The following TTC39B variants were observed in gnomAD, a reference collection of about 807,000 sequenced individuals.
TTC39B encodes the protein tetratricopeptide repeat protein 39B.
Under a neutral mutation model 96.6 loss-of-function variants are expected in TTC39B, and 92 were observed. That is an observed-to-expected ratio of 0.95 (90% CI 0.80 to 1.13). The LOEUF is 1.13. Among genes scored for constraint, TTC39B ranks in the 50% most tolerant of loss-of-function variants. The pLI is 0.00. For missense variants in TTC39B, 955 were observed against 809.3 expected (o/e 1.18, Z -2.18); for synonymous variants, 367 against 299.4 (o/e 1.23, Z -2.33).
At chr9:15,262,229 G>A (rs1286354899) in intron 2 of TTC39B, among the ~76,000 whole-genome samples, 1 of 152,112 alleles carries the variant, frequency 6.6e-6, no homozygotes, top group Admixed American at 6.5e-5. Context: ...CTCCTGAGTA[G>A]CTGGAATTAC....
At chr9:15,209,924 G>C (rs770035349) in intron 6 of TTC39B, among the ~76,000 whole-genome samples, 164 bp downstream of exon 6, 6 of 152,086 alleles carry the variant, frequency 3.9e-5, no homozygotes, top group African/African-American at 9.7e-5. Flanking sequence ...CACAGAAAAG[G>C]CTTCAAAATG....
At chr9:15,212,217 C>T (rs927329657) in intron 4 of TTC39B, among the ~76,000 whole-genome samples, 108 of 152,128 alleles carry the variant, frequency 7.1e-4, no homozygotes, top group African/African-American at 2.5e-3. Context: ...TATTCTTTGC[C>T]TCCATGGAAA....
chr9:15,266,778 C>G (rs1045558149), intron 2 of TTC39B, among the ~76,000 whole-genome samples: 3 of 151,892 alleles, frequency 2.0e-5, no homozygotes, highest in African/African-American at 7.3e-5. Flanking sequence ...GGATTAACAC[C>G]CTTATAAGAA....
intron 8 of TTC39B, among the ~76,000 whole-genome samples, chr9:15,193,494 C>T (rs566393173): frequency 2.0e-5 from 3 of 152,244 alleles, no homozygotes; most frequent in Non-Finnish European, 2.9e-5. Context: ...CCAGTCTAGC[C>T]AAATATTTTT....
intron 1 of TTC39B, among the ~76,000 whole-genome samples, chr9:15,295,149 G>T (rs932192827): frequency 6.6e-6 from 1 of 152,132 alleles, no homozygotes; most frequent in African/African-American, 2.4e-5. Context: ...CACCCCAGAA[G>T]GTCAGAAGTT....
At chr9:15,233,908 G>A (rs556554666) in intron 2 of TTC39B, among the ~76,000 whole-genome samples, 2 of 151,900 alleles carry the variant, frequency 1.3e-5, no homozygotes, top group African/African-American at 4.8e-5. Flanking sequence ...TCTAGGAAGT[G>A]AGGAGCGCCT....
intron 1 of TTC39B, among the ~76,000 whole-genome samples, chr9:15,304,464 C>T (rs905516323): frequency 6.6e-6 from 1 of 152,170 alleles, no homozygotes; most frequent in South Asian, 2.1e-4. Context: ...AACTTCTATG[C>T]TCCCGAATTT....
chr9:15,254,812 G>A (rs1201577736), intron 2 of TTC39B, among the ~76,000 whole-genome samples: 2 of 146,388 alleles, frequency 1.4e-5, no homozygotes. Context: ...TGGGAGATCT[G>A]ACACACATAA....
At chr9:15,286,817 T>A (rs1231597392) in intron 1 of TTC39B, among the ~76,000 whole-genome samples, 1 of 152,226 alleles carries the variant, frequency 6.6e-6, no homozygotes, top group Non-Finnish European at 1.5e-5. Flanking sequence ...ATCATCCATA[T>A]GCACTCAAGG....
At chr9:15,301,172 G>A (rs1824574442) in intron 1 of TTC39B, among the ~76,000 whole-genome samples, 1 of 152,116 alleles carries the variant, frequency 6.6e-6, no homozygotes, top group African/African-American at 2.4e-5. Context: ...GTCTTTGCCG[G>A]ACCCTAAACA....
At chr9:15,208,276 GC>G (rs1819991910) in intron 6 of TTC39B, among the ~76,000 whole-genome samples, 1 of 151,812 alleles carries the variant, frequency 6.6e-6, no homozygotes, top group Admixed American at 6.6e-5. Flanking sequence ...ACCCGCCTCG[GC>G]CTCCCAAAGT....
At chr9:15,288,091 A>G (rs1014498031) in intron 1 of TTC39B, among the ~76,000 whole-genome samples, 1 of 152,212 alleles carries the variant, frequency 6.6e-6, no homozygotes, top group African/African-American at 2.4e-5. Flanking sequence ...CATTTGTGAA[A>G]TCAAACTACA....
intron 2 of TTC39B, among the ~76,000 whole-genome samples, chr9:15,227,503 G>T (rs1405738096): frequency 1.3e-4 from 20 of 152,118 alleles, no homozygotes; most frequent in Non-Finnish European, 1.5e-5. Flanking sequence ...TACAAGGGTG[G>T]TTAGGTGTGG....
chr9:15,248,017 C>G (rs1338774687), intron 2 of TTC39B, among the ~76,000 whole-genome samples: 3 of 152,170 alleles, frequency 2.0e-5, no homozygotes, highest in Non-Finnish European at 4.4e-5. Flanking sequence ...TCGTTTTCCT[C>G]ATTTGGAAAA....
chr9:15,218,496 A>T (rs1564358808), intron 3 of TTC39B, among the ~76,000 whole-genome samples: 1 of 152,164 alleles, frequency 6.6e-6, no homozygotes, highest in East Asian at 1.9e-4. Context: ...CTCAGCCCAC[A>T]TATTCATATT....
At chr9:15,305,431 G>A (rs1192764705) in intron 1 of TTC39B, among the ~76,000 whole-genome samples, 1 of 152,122 alleles carries the variant, frequency 6.6e-6, no homozygotes, top group Non-Finnish European at 1.5e-5. Context: ...AATTCAATTT[G>A]TATTTTGCTC....
intron 7 of TTC39B, among the ~76,000 whole-genome samples, chr9:15,200,225 T>C (rs1280782944): frequency 6.6e-6 from 1 of 152,196 alleles, no homozygotes; most frequent in Non-Finnish European, 1.5e-5. Flanking sequence ...ATTATTTTAA[T>C]AAACATTGAC....
intron 7 of TTC39B, among the ~76,000 whole-genome samples, chr9:15,200,781 A>G (rs1313030120): frequency 6.6e-6 from 1 of 152,216 alleles, no homozygotes; most frequent in Non-Finnish European, 1.5e-5. Flanking sequence ...CGGGTGGATC[A>G]CCAGGTTAGG....
intron 8 of TTC39B, among the ~76,000 whole-genome samples, chr9:15,199,320 T>C (rs1328333439): frequency 2.0e-5 from 3 of 152,222 alleles, no homozygotes; most frequent in Non-Finnish European, 2.9e-5. Flanking sequence ...TCAGAAATTA[T>C]GTCAGTAGCT....
Sources: allele counts gnomAD v4.1 joint callset (sites outside exome capture counted in the v4.1 genomes callset), GRCh38; gene constraint gnomAD v4.1.1; transcripts MANE v1.5; gene names NCBI Gene and HGNC (gene_info 2026-07-23, HGNC 2026-07-21).